ABCA3: variants seen among roughly 807,000 people sequenced by gnomAD.
ABCA3 encodes the protein phospholipid-transporting ATPase ABCA3.
ABCA3 carries 88 observed loss-of-function variants against 172.8 expected under a neutral mutation model. The observed-to-expected ratio is 0.51, with a 90% CI of 0.43 to 0.61. The LOEUF is 0.61. ABCA3 is among the 20% of genes least tolerant of loss of function. The pLI is 0.00. For missense variants in ABCA3, 2,164 were observed against 2,301.0 expected, an observed-to-expected ratio of 0.94 and a Z score of 1.22; for synonymous variants, 1,066 against 983.8, an observed-to-expected ratio of 1.08 and a Z score of -1.56.
chr16:2,278,278 C>T lies in ABCA3; in HGVS notation c.4718+10G>A, dbSNP rs1365098712. ...TGAAACTTCCAGTAACCCACAGACCCAGGCTCTACCTGTGGGAGGTGATGA... is the reference window on the plus strand; with the variant it reads ...TGAAACTTCCAGTAACCCACAGACCTAGGCTCTACCTGTGGGAGGTGATGA... On this transcript the variant is annotated intron_variant, in intron 30 of 32. Coordinates refer to ENST00000301732, the MANE Select transcript of ABCA3 (RefSeq NM_001089.3). The surrounding 1 kb of genome is among the most constrained non-coding windows in gnomAD (Gnocchi z 4.4). 4.4e-6 allele frequency: 7 copies of T among 1,606,584 alleles called. 1 individual carries two copies. The highest frequency in any genetic ancestry group is 4.2e-6 in the Non-Finnish European group (5 of 1,179,978).
intron 10 of ABCA3, among the ~76,000 whole-genome samples, chr16:2,312,490 C>T (rs1387306620): frequency 4.0e-5 from 6 of 150,596 alleles, no homozygotes; most frequent in Non-Finnish European, 8.9e-5. Flanking sequence ...TTTTTTTTTA[C>T]TGCTTTGTCA....
At chr16:2,280,115 ACTCT>A (rs145879113) in intron 28 of ABCA3, among the ~76,000 whole-genome samples, 6 of 150,172 alleles carry the variant, frequency 4.0e-5, no homozygotes, top group South Asian at 2.1e-4. Context: ...ACCCCCTGCC[ACTCT>A]CTCTCTCTCT....
intron 18 of ABCA3, among the ~76,000 whole-genome samples, chr16:2,293,289 G>A (rs1044899626): frequency 5.3e-5 from 8 of 151,004 alleles, no homozygotes; most frequent in African/African-American, 1.7e-4. Context: ...CTGACCCTGT[G>A]ATCCACCTGC....
At chr16:2,322,701 C>G (rs904855320) in intron 7 of ABCA3, among the ~76,000 whole-genome samples, 9 of 151,962 alleles carry the variant, frequency 5.9e-5, no homozygotes, top group African/African-American at 2.2e-4. Context: ...CATAAAAACC[C>G]TAGAAGAAAA....
intron 9 of ABCA3, 63 bp downstream of exon 9, chr16:2,317,585 G>A: frequency 6.3e-7 from 1 of 1,596,912 alleles, no homozygotes. Flanking sequence ...TTCCCAAGAG[G>A]GCCCTCCTGG....
Position 2,283,665 on chromosome 16 carries a change from G to A in ABCA3, c.3863-307C>T, listed in dbSNP as rs2093658527. 2.7e-5 allele frequency: 11 copies of A among 409,132 alleles called. No individual in the cohort carries two copies. Among genetic ancestry groups the A allele is most frequent in the South Asian group, 2.4e-4 (10 of 40,864 alleles). The allele number at this position is 409,132 out of a possible 1,614,324, so 25.3% of individuals were successfully genotyped here. A position where few individuals can be genotyped will look rare whatever the true frequency, so the allele number is the denominator to read the frequency against. On this transcript the variant is annotated intron_variant, in intron 25 of 32. Transcript: ENST00000301732. This position sits in a 1 kb window ranked among gnomAD's most constrained non-coding sequence, Gnocchi z 5.4. ...CTGCCTCCTGACCAGGACAGAGACC[G>A]TTACAAGCACCGAGGGGTGTGTGGG...
rs776080870 is a variant in ABCA3 at position 2,319,557 on chromosome 16, T to G, written c.873+24A>C. The G allele has an allele frequency of 4.4e-6, 7 of 1,606,834 alleles. No homozygotes were observed. The African/African-American group carries it at 6.7e-5, about 15-fold the overall frequency. ...CAGGACAGCGCGGTTTCTAGAGTGT[T>G]GGGGAGCCAAAGCGGGCAGTCACCT... On this transcript the variant is annotated intron_variant, in intron 8 of 32. Transcript: ENST00000301732.
At chr16:2,332,213 A>T in intron 1 of ABCA3, 1 of 392,550 alleles carries the variant, frequency 2.5e-6, no homozygotes, top group East Asian at 5.2e-5. Flanking sequence ...AAATTGGAGA[A>T]ATCCCAAACT....
rs538910072 is a variant in ABCA3 at position 2,276,094 on chromosome 16, C to A, written c.*580G>T. The stretch of plus-strand genomic sequence containing the variant: ...TGCTGTGGGACGGTGCCCGGCTTCG[C>A]GGTGACTACCATGCCCTAAGGAGCA... On this transcript the variant is annotated 3_prime_UTR_variant, in exon 33 of 33. Coordinates refer to ENST00000301732, the MANE Select transcript of ABCA3 (RefSeq NM_001089.3). 4 of 311,392 alleles carry A rather than the reference C, an allele frequency of 1.3e-5. No individual in the cohort carries two copies. The highest frequency in any genetic ancestry group is 1.1e-3 in the Middle Eastern group (1 of 872). 19.3% of individuals were successfully genotyped at this position (311,392 alleles called of 1,614,324 possible). A position where few individuals can be genotyped will look rare whatever the true frequency, so the allele number is the denominator to read the frequency against.
chr16:2,304,279 C>T, intron 11 of ABCA3, 129 bp from the exon 12 acceptor site: 1 of 944,080 alleles, frequency 1.1e-6, no homozygotes, highest in South Asian at 1.3e-5. Context: ...ATGCCTTTTC[C>T]CTTCCCGGTT....
At chr16:2,317,207 C>T (rs2093717317) in intron 10 of ABCA3, 76 bp downstream of exon 10, 2 of 1,600,756 alleles carry the variant, frequency 1.2e-6, no homozygotes, top group Admixed American at 1.7e-5. Context: ...CTTCCGATCA[C>T]AGCCTCTGGG....
intron 1 of ABCA3, chr16:2,332,298 A>T (rs1463864201): frequency 4.8e-6 from 3 of 621,908 alleles, no homozygotes; most frequent in Admixed American, 2.5e-5. Context: ...GTGAATTTTG[A>T]TAGTCACGAT....
Position 2,326,263 on chromosome 16 carries a change from G to C in ABCA3, c.66C>G (p.Val22=). The change falls in exon 5 of 33, where the codon GTC becomes GTG. Residue 22 remains valine, a synonymous_variant. Transcript: ENST00000301732. ...WKNYTLQKRK[V]LVTVLELFLP... is the part of the protein sequence containing the mutation. ...GGAAGAGTTCCAGGACCGTCACCAG[G>C]ACCTTCCGCTTCTGGAAGAGATACA... The C allele has an allele frequency of 1.2e-6, 2 of 1,613,306 alleles. No homozygotes were observed. Among genetic ancestry groups the C allele is most frequent in the South Asian group, 1.1e-5 (1 of 91,084 alleles).
intron 18 of ABCA3, among the ~76,000 whole-genome samples, chr16:2,292,957 AAAACT>A (rs756583819): frequency 3.9e-5 from 6 of 152,184 alleles, no homozygotes; most frequent in Non-Finnish European, 8.8e-5. Context: ...TCCGTCTCCA[AAAACT>A]AAACTAAACT....
intron 1 of ABCA3, among the ~76,000 whole-genome samples, chr16:2,338,290 G>A (rs979921002): frequency 2.0e-5 from 3 of 152,210 alleles, no homozygotes; most frequent in African/African-American, 4.8e-5. Flanking sequence ...GGCCTGACAT[G>A]CCTCACTCTT....
chr16:2,337,221 C>T (rs895490488), intron 1 of ABCA3, among the ~76,000 whole-genome samples: 2 of 151,702 alleles, frequency 1.3e-5, no homozygotes, highest in Non-Finnish European at 2.9e-5. Flanking sequence ...GTCTGGCCTT[C>T]GTCCCTTTAA....
At chr16:2,305,668 A>T (rs2093696545) in intron 11 of ABCA3, among the ~76,000 whole-genome samples, 1 of 152,068 alleles carries the variant, frequency 6.6e-6, no homozygotes, top group Admixed American at 6.6e-5. Context: ...GACCTCGAGT[A>T]ATCCACCCGT....
chr16:2,298,269 A>C (rs1469575067), intron 15 of ABCA3, 117 bp downstream of exon 15: 1 of 1,511,144 alleles, frequency 6.6e-7, no homozygotes, highest in Non-Finnish European at 9.1e-7. Flanking sequence ...CTGGACTCAG[A>C]ACCCTGGCTC....
intron 7 of ABCA3, among the ~76,000 whole-genome samples, chr16:2,320,214 T>C (rs1321781036): frequency 1.3e-5 from 2 of 151,732 alleles, no homozygotes; most frequent in Non-Finnish European, 2.9e-5. Flanking sequence ...TTCTCCTGCC[T>C]CAGCCTCCCG....
Sources: allele counts gnomAD v4.1 joint callset (sites outside exome capture counted in the v4.1 genomes callset), GRCh38; gene constraint gnomAD v4.1.1; non-coding constraint Gnocchi (gnomAD v3.1); transcripts MANE v1.5; gene names NCBI Gene and HGNC (gene_info 2026-07-23, HGNC 2026-07-21).